PDE10A: variants seen among roughly 807,000 people sequenced by gnomAD.
The protein encoded by PDE10A is cAMP and cAMP-inhibited cGMP 3',5'-cyclic phosphodiesterase 10A.
A neutral mutation model predicts 97.7 loss-of-function variants in PDE10A; 39 were observed. The observed-to-expected ratio is 0.40, with a 90% CI of 0.31 to 0.52. PDE10A has a LOEUF of 0.52. Ranked by LOEUF, PDE10A falls within the 20% of genes least tolerant of loss-of-function variation. PDE10A has a pLI of 0.56. For missense variants in PDE10A, 731 were observed against 1,047.8 expected, an observed-to-expected ratio of 0.70 and a Z score of 4.17; for synonymous variants, 371 against 376.8, an observed-to-expected ratio of 0.98 and a Z score of 0.18.
At chr6:165,814,208 T>A (rs12197567) in intron 1 of PDE10A, among the ~76,000 whole-genome samples, 12,770 of 152,174 alleles carry the variant, frequency 0.084, 1,221 homozygotes, top group East Asian at 0.46. Context: ...GGTGTGGGAA[T>A]GTGTGATCCA....
At chr6:165,730,539 G>A (rs1260206584) in intron 1 of PDE10A, among the ~76,000 whole-genome samples, 1 of 151,210 alleles carries the variant, frequency 6.6e-6, no homozygotes, top group African/African-American at 2.4e-5. Flanking sequence ...ATCACTTGAG[G>A]TCAGGGGTTC....
chr6:165,927,488 T>G (rs1206748462), intron 1 of PDE10A, among the ~76,000 whole-genome samples: 1 of 151,846 alleles, frequency 6.6e-6, no homozygotes, highest in Non-Finnish European at 1.5e-5. Flanking sequence ...GGAAATAATA[T>G]AAATGTATAA....
At chr6:165,808,760 T>C (rs1410871836) in intron 1 of PDE10A, among the ~76,000 whole-genome samples, 2 of 152,234 alleles carry the variant, frequency 1.3e-5, no homozygotes, top group Non-Finnish European at 2.9e-5. Flanking sequence ...TCAGTTGACT[T>C]ATTCTACGGC....
At chr6:165,651,013 G>C (rs915104077) in intron 1 of PDE10A, among the ~76,000 whole-genome samples, 4 of 152,174 alleles carry the variant, frequency 2.6e-5, no homozygotes, top group Non-Finnish European at 5.9e-5. Context: ...TGGGATTATA[G>C]GCGTGAGCCA....
chr6:165,728,631 G>A (rs2128450399), intron 1 of PDE10A, among the ~76,000 whole-genome samples: 1 of 152,292 alleles, frequency 6.6e-6, no homozygotes, highest in South Asian at 2.1e-4. Context: ...ATAATGACAT[G>A]TTTTAGGCAA....
intron 2 of PDE10A, among the ~76,000 whole-genome samples, chr6:165,525,502 G>T (rs1251252755): frequency 6.6e-6 from 1 of 152,146 alleles, no homozygotes. Flanking sequence ...TAGGATGGTG[G>T]AGTGGATTAG....
rs138272568 is a variant in PDE10A, at chr6:165,600,669, T to C, written c.866-57101A>G. Among the ~76,000 whole-genome samples the C allele has an allele frequency of 4.2e-3, 642 of 152,330 alleles. 7 individuals are homozygous for C. Among genetic ancestry groups the C allele is most frequent in the African/African-American group, 0.014 (596 of 41,580 alleles). ...CTCTCTGTGTCTCAGTGATCTTCCC[T>C]ACCGGCAGATTTACATTTGCAGCTT... is the stretch of plus-strand genomic sequence containing the variant. On this transcript the variant is annotated intron_variant, in intron 1 of 21. Coordinates refer to ENST00000539869, the MANE Select transcript of PDE10A (RefSeq NM_001385079.1).
intron 1 of PDE10A, among the ~76,000 whole-genome samples, chr6:165,977,329 C>T (rs1335336653): frequency 6.6e-6 from 1 of 152,172 alleles, no homozygotes; most frequent in Non-Finnish European, 1.5e-5. Flanking sequence ...GTAAGCTTTT[C>T]TCAAACAGAA....
chr6:165,580,775 AAAG>A (rs1785569546), intron 1 of PDE10A, among the ~76,000 whole-genome samples: 1 of 152,146 alleles, frequency 6.6e-6, no homozygotes, highest in African/African-American at 2.4e-5. Flanking sequence ...ACCCAATGAG[AAAG>A]AAGATGGTAA....
At chr6:165,613,504 T>C (rs961197237) in intron 1 of PDE10A, among the ~76,000 whole-genome samples, 47 of 152,050 alleles carry the variant, frequency 3.1e-4, no homozygotes, top group African/African-American at 1.1e-3. Flanking sequence ...CCAGGCGTGG[T>C]GGTACGCACC....
In PDE10A at chr6:165,619,394, G is replaced by GTAGTC. The variant is rs1381788229; in HGVS notation, c.865+42552_865+42553insGACTA. Among the ~76,000 whole-genome samples, 132 of 36,448 alleles carry GTAGTC rather than the reference G, an allele frequency of 3.6e-3. 4 individuals are homozygous for GTAGTC. The highest frequency in any genetic ancestry group is 5.0e-3 in the Non-Finnish European group (91 of 18,126). The allele number at this position is 36,448 out of a possible 152,430, so 23.9% of individuals were successfully genotyped here. The stretch of plus-strand genomic sequence containing the variant: ...GTGGTGTAGTGTAGTCTAGTATAGT[G>GTAGTC]TAGTGTAGTGTAGTCTAGTGTAGTG... On this transcript the variant is annotated intron_variant, in intron 1 of 21. Transcript: ENST00000539869.
At chr6:165,814,861 C>A (rs751619297) in intron 1 of PDE10A, among the ~76,000 whole-genome samples, 3 of 151,910 alleles carry the variant, frequency 2.0e-5, no homozygotes, top group African/African-American at 7.3e-5. Flanking sequence ...GCGTCAGTTC[C>A]GTTCCTCTGC....
chr6:165,363,183 C>T (rs1443522478), intron 18 of PDE10A, among the ~76,000 whole-genome samples: 1 of 152,128 alleles, frequency 6.6e-6, no homozygotes, highest in Non-Finnish European at 1.5e-5. Context: ...CTTCTCTTGT[C>T]ACTGATATTC....
intron 1 of PDE10A, among the ~76,000 whole-genome samples, chr6:165,723,766 G>C (rs765788620): frequency 6.6e-6 from 1 of 152,062 alleles, no homozygotes; most frequent in South Asian, 2.1e-4. Flanking sequence ...ATTCTGTTTC[G>C]GACTAGTTGC....
chr6:165,868,298 G>A (rs1461370668), intron 1 of PDE10A, among the ~76,000 whole-genome samples: 3 of 151,628 alleles, frequency 2.0e-5, no homozygotes, highest in African/African-American at 4.8e-5. Context: ...ATAGAGAGAA[G>A]GCCCAAATAA....
chr6:165,663,881 C>T (rs1287987394), upstream of PDE10A, among the ~76,000 whole-genome samples: 1 of 152,200 alleles, frequency 6.6e-6, no homozygotes, highest in African/African-American at 2.4e-5. Context: ...TGAATCCAGG[C>T]AGTTGCCACT....
chr6:165,643,171 G>A (rs528329310), intron 1 of PDE10A, among the ~76,000 whole-genome samples: 1 of 152,160 alleles, frequency 6.6e-6, no homozygotes, highest in Non-Finnish European at 1.5e-5. Flanking sequence ...AGGACGGATG[G>A]TGGGTAGATG....
chr6:165,558,894 A>G (rs1784389501), intron 1 of PDE10A, among the ~76,000 whole-genome samples: 1 of 152,252 alleles, frequency 6.6e-6, no homozygotes, highest in African/African-American at 2.4e-5. Flanking sequence ...TGGCACATGT[A>G]TACATATGTA....
At chr6:165,354,531 A>G (rs1562376363) in intron 18 of PDE10A, among the ~76,000 whole-genome samples, 3 of 152,346 alleles carry the variant, frequency 2.0e-5, no homozygotes, top group East Asian at 3.9e-4. Flanking sequence ...AGTTATTTGA[A>G]TAATTCAAAT....
Sources: allele counts gnomAD v4.1 joint callset (sites outside exome capture counted in the v4.1 genomes callset), GRCh38; gene constraint gnomAD v4.1.1; transcripts MANE v1.5; gene names NCBI Gene and HGNC (gene_info 2026-07-23, HGNC 2026-07-21).